The following RBPMS variants were observed in gnomAD, a reference collection of about 807,000 sequenced individuals.
RBPMS encodes the protein RNA binding protein, mRNA processing factor, also known as RNA-binding protein with multiple splicing.
RBPMS carries 7 observed loss-of-function variants against 26.8 expected under a neutral mutation model. The ratio of observed to expected loss-of-function variants is 0.26; its 90% CI spans 0.15 to 0.49. RBPMS has a LOEUF of 0.49. RBPMS is among the 20% of genes least tolerant of loss of function. RBPMS has a pLI of 0.98. For synonymous variants in RBPMS, 96 were observed against 93.3 expected (o/e 1.03, Z -0.17); for missense variants, 186 against 250.0 (o/e 0.74, Z 1.73).
In RBPMS at chr8:30,437,814, C is replaced by T. The variant is rs928837506; in HGVS notation, c.67-36965C>T. On this transcript the variant is annotated intron_variant, in intron 1 of 8. Transcript: ENST00000397323. ...TCAAAAAAAAAAAAAAAAAGGTAGCCGAGCGTGGTGGGCACATGCCTGTAA... is the reference window on the plus strand; with the variant it reads ...TCAAAAAAAAAAAAAAAAAGGTAGCTGAGCGTGGTGGGCACATGCCTGTAA... Among the ~76,000 whole-genome samples the T allele has an allele frequency of 3.5e-5, 5 of 144,646 alleles. No homozygotes were observed. The South Asian group carries it at 8.9e-4, about 26-fold the overall frequency. The allele number at this position is 144,646 out of a possible 152,430, so 94.9% of individuals were successfully genotyped here. A position where few individuals can be genotyped will look rare whatever the true frequency, so the allele number is the denominator to read the frequency against.
At chr8:30,531,202 T>C (rs777392121) in intron 5 of RBPMS, among the ~76,000 whole-genome samples, 11 of 152,184 alleles carry the variant, frequency 7.2e-5, no homozygotes, top group African/African-American at 1.2e-4. Context: ...TCTAGATTTG[T>C]AGGGGACCTT....
intron 7 of RBPMS, chr8:30,564,898 C>T (rs923158394): frequency 6.6e-6 from 1 of 152,108 alleles, no homozygotes; most frequent in African/African-American, 2.4e-5. Context: ...CCCCTATGCT[C>T]CTGGGGACAT....
chr8:30,459,272 G>C (rs1264379844), intron 1 of RBPMS, among the ~76,000 whole-genome samples: 1 of 151,476 alleles, frequency 6.6e-6, no homozygotes, highest in Non-Finnish European at 1.5e-5. Flanking sequence ...GTTTTTTTTG[G>C]TTTTGTTTGT....
rs542332654 is a variant in RBPMS, at chr8:30,491,978, G to A, written c.247-12308G>A. 4.6e-5 allele frequency among the ~76,000 whole-genome samples: 7 copies of A among 152,206 alleles called. No homozygotes were observed. The East Asian group carries it at 1.4e-3, about 29-fold the overall frequency. ...CAATCTCGGCTCACTGCAATCTCCG[G>A]CCTCCACGATTCAGGCAATTCTTCT... On this transcript the variant is annotated intron_variant, in intron 4 of 8. Coordinates refer to ENST00000397323, the MANE Select transcript of RBPMS (RefSeq NM_001008710.3).
At position 30,570,810 on chromosome 8, in the gene RBPMS, TAC is replaced by T. The variant is rs1490527965; in HGVS notation, c.*287_*288del. 1.3e-5 allele frequency: 2 copies of T among 152,606 alleles called. No homozygotes were observed. Among genetic ancestry groups the T allele is most frequent in the African/African-American group, 4.8e-5 (2 of 41,458 alleles). The allele number at this position is 152,606 out of a possible 1,614,324, so 9.5% of individuals were successfully genotyped here. On this transcript the variant is annotated 3_prime_UTR_variant, in exon 9 of 9. Transcript: ENST00000397323. ...GTGAATGCATGGTCTGAAATTTCTG[TAC>T]AGTTTGGAGATATTTTCAAACGAAA... is the stretch of plus-strand genomic sequence containing the variant.
intron 1 of RBPMS, among the ~76,000 whole-genome samples, chr8:30,432,002 T>G (rs1811990691): frequency 6.6e-6 from 1 of 151,270 alleles, no homozygotes; most frequent in African/African-American, 2.4e-5. Flanking sequence ...ATGGCATATA[T>G]CTGAGGTCCC....
chr8:30,521,319 G>A (rs1372203141), intron 5 of RBPMS, among the ~76,000 whole-genome samples: 2 of 152,278 alleles, frequency 1.3e-5, no homozygotes, highest in East Asian at 3.9e-4. Context: ...TCTTAATACT[G>A]TTGAATATTT....
At position 30,558,675 on chromosome 8, in the gene RBPMS, G is replaced by GAGCTT. The variant is rs1477179421; in HGVS notation, c.529-211_529-207dup. 7 of 623,794 alleles carry GAGCTT rather than the reference G, an allele frequency of 1.1e-5. No homozygotes were observed. The African/African-American group carries it at 1.3e-4, about 11-fold the overall frequency. 38.6% of individuals were successfully genotyped at this position (623,794 alleles called of 1,614,324 possible). A position where few individuals can be genotyped will look rare whatever the true frequency, so the allele number is the denominator to read the frequency against. On this transcript the variant is annotated intron_variant, in intron 6 of 8. Transcript: ENST00000397323. ...TCTCGAGGTGGGTGCTTTCCTCAGAGAGCTTGCCTGTGTGTTCATAATGGT... is the reference window on the plus strand; with the variant it reads ...TCTCGAGGTGGGTGCTTTCCTCAGAGAGCTTAGCTTGCCTGTGTGTTCATAATGGT...
intron 1 of RBPMS, among the ~76,000 whole-genome samples, chr8:30,464,909 A>G (rs1001993363): frequency 4.6e-5 from 7 of 152,196 alleles, no homozygotes; most frequent in African/African-American, 7.2e-5. Context: ...GGGCATGTAC[A>G]CCTTAGGGCA....
intron 5 of RBPMS, among the ~76,000 whole-genome samples, chr8:30,515,544 T>A (rs530721859): frequency 5.9e-5 from 9 of 152,348 alleles, no homozygotes; most frequent in African/African-American, 2.2e-4. Context: ...CCAGTTGTCT[T>A]CTATTAAACT....
At chr8:30,529,064 T>C (rs1356216923) in intron 5 of RBPMS, among the ~76,000 whole-genome samples, 1 of 151,298 alleles carries the variant, frequency 6.6e-6, no homozygotes, top group African/African-American at 2.4e-5. Context: ...CAAAAAAAAA[T>C]TAAAAATTAG....
chr8:30,423,370 C>T (rs1214120861), intron 1 of RBPMS, among the ~76,000 whole-genome samples: 1 of 152,202 alleles, frequency 6.6e-6, no homozygotes, highest in Admixed American at 6.5e-5. Context: ...GGCTTGGCAC[C>T]TCTTTCCTCT....
At chr8:30,532,874 C>T (rs562904228) in intron 5 of RBPMS, among the ~76,000 whole-genome samples, 9 of 152,192 alleles carry the variant, frequency 5.9e-5, no homozygotes, top group Non-Finnish European at 1.0e-4. Context: ...CCACTCCCAC[C>T]GAGGACCACC....
At chr8:30,457,804 C>T (rs1253297533) in intron 1 of RBPMS, among the ~76,000 whole-genome samples, 2 of 152,090 alleles carry the variant, frequency 1.3e-5, no homozygotes, top group African/African-American at 4.8e-5. Flanking sequence ...TCTCAAACTC[C>T]TGACCTCGTG....
At chr8:30,558,985 C>G in intron 7 of RBPMS, 29 bp downstream of exon 7, 2 of 1,591,978 alleles carry the variant, frequency 1.3e-6, no homozygotes, top group East Asian at 2.2e-5. Context: ...TTGGAATGTG[C>G]GAAGCCCCTA....
intron 6 of RBPMS, among the ~76,000 whole-genome samples, chr8:30,549,163 C>G (rs142879591): frequency 5.7e-4 from 87 of 152,352 alleles, no homozygotes; most frequent in Admixed American, 9.1e-4. Flanking sequence ...AGAGTCATGT[C>G]TGGGGCCCCA....
At chr8:30,555,079 A>G (rs564727361) in intron 6 of RBPMS, among the ~76,000 whole-genome samples, 4 of 152,238 alleles carry the variant, frequency 2.6e-5, no homozygotes, top group Non-Finnish European at 1.5e-5. Context: ...TTTTTCATCT[A>G]TAAATGGAAG....
intron 5 of RBPMS, among the ~76,000 whole-genome samples, chr8:30,513,130 G>C (rs1297525712): frequency 6.6e-6 from 1 of 152,054 alleles, no homozygotes; most frequent in African/African-American, 2.4e-5. Context: ...GTTGTGGGGA[G>C]AAAGTAATGC....
intron 1 of RBPMS, among the ~76,000 whole-genome samples, chr8:30,411,681 A>AAAAAAAAAAAAAAAAG (rs1554507355): frequency 2.3e-5 from 3 of 127,954 alleles, no homozygotes; most frequent in African/African-American, 9.2e-5. Context: ...AAAAAAAAAA[A>AAAAAAAAAAAAAAAAG]AAAGAAAAAG....
Sources: allele counts gnomAD v4.1 joint callset (sites outside exome capture counted in the v4.1 genomes callset), GRCh38; gene constraint gnomAD v4.1.1; transcripts MANE v1.5; gene names NCBI Gene and HGNC (gene_info 2026-07-23, HGNC 2026-07-21).